OR56A1: variants seen among roughly 807,000 people sequenced by gnomAD.
The protein encoded by OR56A1 is olfactory receptor 56A1.
For synonymous variants in OR56A1, 174 were observed against 159.1 expected, an observed-to-expected ratio of 1.09 and a Z score of -0.70; for missense variants, 360 against 380.9, an observed-to-expected ratio of 0.94 and a Z score of 0.46.
chr11:6,026,600 A>G lies in OR56A1; in HGVS notation c.*148T>C, dbSNP rs1420589698. On this transcript the variant is annotated 3_prime_UTR_variant, in exon 2 of 2. Transcript: ENST00000641900. ...TGCCTACCTCCACCTGAACTAGGCA[A>G]GGAAAGTAAAGGAAGGAATCTGGTT... 6 of 585,572 alleles carry G rather than the reference A, an allele frequency of 1.0e-5. No homozygotes were observed. Among genetic ancestry groups the G allele is most frequent in the Non-Finnish European group, 1.8e-5 (6 of 334,506 alleles). 36.3% of individuals were successfully genotyped at this position (585,572 alleles called of 1,614,324 possible).
rs1848396599 is a variant in OR56A1 at position 6,021,555 on chromosome 11, GTACTGA to G, written c.*5187_*5192del. On this transcript the variant is annotated 3_prime_UTR_variant, in exon 2 of 2. Coordinates refer to ENST00000641900, the MANE Select transcript of OR56A1 (RefSeq NM_001388488.1). Reference sequence around the variant, plus strand: ...ATAATTAAATAAAAAATTATTTAAAGTACTGATACTAATATTTTATAAGTAGAAAGT... The same window carrying G: ...ATAATTAAATAAAAAATTATTTAAAGTACTAATATTTTATAAGTAGAAAGT... The G allele has an allele frequency of 1.3e-5, 2 of 152,068 alleles. No individual in the cohort carries two copies. The highest frequency in any genetic ancestry group is 2.1e-4 in the South Asian group (1 of 4,818). The allele number at this position is 152,068 out of a possible 1,614,324, so 9.4% of individuals were successfully genotyped here.
In OR56A1 at chr11:6,027,328, G is replaced by A; in HGVS notation, c.365C>T (p.Ala122Val). ...PMESCTFMVMAYDRYVAICHP... is the reference protein window; with the variant it reads ...PMESCTFMVMVYDRYVAICHP... ...GCAGATGGCCACATAACGGTCATAG[G>A]CCATGACCATAAACGTGCAGGACTC... Residue 122 changes from alanine to valine, a missense_variant, in exon 2 of 2, where the codon GCC (alanine) becomes GTC (valine). Transcript: ENST00000641900. 4 of 1,614,142 alleles carry A rather than the reference G, an allele frequency of 2.5e-6. No individual in the cohort carries two copies. The highest frequency in any genetic ancestry group is 3.4e-6 in the Non-Finnish European group (4 of 1,179,984).
chr11:6,032,560 G>A (rs1848522644), upstream of OR56A1, among the ~76,000 whole-genome samples: 1 of 152,118 alleles, frequency 6.6e-6, no homozygotes, highest in Non-Finnish European at 1.5e-5. Flanking sequence ...AAATTTTAAG[G>A]AGGAAGAATG....
At position 6,021,837 on chromosome 11, in the gene OR56A1, A is replaced by G. The variant is rs1848399902; in HGVS notation, c.*4911T>C. 1 of 152,146 alleles carries G rather than the reference A, an allele frequency of 6.6e-6. No homozygotes were observed. 9.4% of individuals were successfully genotyped at this position (152,146 alleles called of 1,614,324 possible). A position where few individuals can be genotyped will look rare whatever the true frequency, so the allele number is the denominator to read the frequency against. On this transcript the variant is annotated 3_prime_UTR_variant, in exon 2 of 2. Coordinates refer to ENST00000641900, the MANE Select transcript of OR56A1 (RefSeq NM_001388488.1). Reference sequence around the variant, plus strand: ...TCAAGAAACTTGTCCCCCTCTCAGTAAGTAAAAATATTGCAATATCTGCTC... The same window carrying G: ...TCAAGAAACTTGTCCCCCTCTCAGTGAGTAAAAATATTGCAATATCTGCTC...
rs1404155134 is a variant in OR56A1 at position 6,019,883 on chromosome 11, T to C, written c.*6865A>G. On this transcript the variant is annotated 3_prime_UTR_variant, in exon 2 of 2. Transcript: ENST00000641900. The stretch of plus-strand genomic sequence containing the variant: ...AATTCAAGTAAAAATGAGACCTTGA[T>C]CCCTCTCTTGGCTCTATCCACAGGC... The C allele has an allele frequency of 6.6e-6, 1 of 152,100 alleles. No individual in the cohort carries two copies. Among genetic ancestry groups the C allele is most frequent in the Non-Finnish European group, 1.5e-5 (1 of 67,980 alleles). The allele number at this position is 152,100 out of a possible 1,614,324, so 9.4% of individuals were successfully genotyped here.
upstream of OR56A1, among the ~76,000 whole-genome samples, chr11:6,032,847 G>T (rs764769185): frequency 6.6e-6 from 1 of 152,112 alleles, no homozygotes; most frequent in Non-Finnish European, 1.5e-5. Flanking sequence ...TGCTCCTAAT[G>T]TTGGTAAGAA....
chr11:6,026,980 ACTGCCGCCCCCT>A lies in OR56A1; in HGVS notation c.701_712del (p.Glu234_Ala237del), dbSNP rs754611982. On this transcript the variant is annotated inframe_deletion, in exon 2 of 2. Coordinates refer to ENST00000641900, the MANE Select transcript of OR56A1 (RefSeq NM_001388488.1). ...GGAGCCACATGTGCTCAGGGCCTTCACTGCCGCCCCCTCTGCTTTGAATCTAAGCACAGCTCT... is the reference window on the plus strand; with the variant it reads ...GGAGCCACATGTGCTCAGGGCCTTCACTGCTTTGAATCTAAGCACAGCTCT... 11 of 1,614,112 alleles carry A rather than the reference ACTGCCGCCCCCT, an allele frequency of 6.8e-6. No individual in the cohort carries two copies. In the East Asian group the frequency reaches 2.0e-4, roughly 29 times the overall value.
At position 6,021,447 on chromosome 11, in the gene OR56A1, T is replaced by C. The variant is rs1424147806; in HGVS notation, c.*5301A>G. The C allele has an allele frequency of 2.6e-5, 4 of 152,118 alleles. No individual in the cohort carries two copies. The East Asian group carries it at 7.7e-4, about 29-fold the overall frequency. The allele number at this position is 152,118 out of a possible 1,614,324, so 9.4% of individuals were successfully genotyped here. A position where few individuals can be genotyped will look rare whatever the true frequency, so the allele number is the denominator to read the frequency against. Reference sequence around the variant, plus strand: ...TGATAAATGTTTGAGATGATGGATATGCTAATTACCCTGATCTGCTCACTA... The same window carrying C: ...TGATAAATGTTTGAGATGATGGATACGCTAATTACCCTGATCTGCTCACTA... On this transcript the variant is annotated 3_prime_UTR_variant, in exon 2 of 2. Transcript: ENST00000641900.
In OR56A1 at chr11:6,021,444, A is replaced by G. The variant is rs2133596143; in HGVS notation, c.*5304T>C. 6.6e-6 allele frequency: 1 copy of G among 152,236 alleles called. No individual in the cohort carries two copies. The highest frequency in any genetic ancestry group is 1.5e-5 in the Non-Finnish European group (1 of 67,972). The allele number at this position is 152,236 out of a possible 1,614,324, so 9.4% of individuals were successfully genotyped here. A position where few individuals can be genotyped will look rare whatever the true frequency, so the allele number is the denominator to read the frequency against. On this transcript the variant is annotated 3_prime_UTR_variant, in exon 2 of 2. Transcript: ENST00000641900. ...TAATGATAAATGTTTGAGATGATGG[A>G]TATGCTAATTACCCTGATCTGCTCA...
intron 1 of OR56A1, 98 bp from the exon 2 acceptor site, chr11:6,027,824 C>T: frequency 1.3e-6 from 1 of 768,566 alleles, no homozygotes; most frequent in African/African-American, 1.7e-5. Context: ...AGGTAGTTCA[C>T]TTTTGCCAAG....
intron 1 of OR56A1, among the ~76,000 whole-genome samples, chr11:6,027,949 A>G (rs966321296): frequency 4.6e-5 from 7 of 150,718 alleles, no homozygotes; most frequent in African/African-American, 9.7e-5. Flanking sequence ...AAAAAAAAAA[A>G]GGGTAGTGAC....
upstream of OR56A1, among the ~76,000 whole-genome samples, chr11:6,032,255 T>A (rs1848519766): frequency 1.3e-5 from 2 of 152,132 alleles, no homozygotes; most frequent in African/African-American, 4.8e-5. Flanking sequence ...TGAAAGATAC[T>A]GTGGTATGTT....
At chr11:6,032,586 CCA>C (rs1020931948), upstream of OR56A1, among the ~76,000 whole-genome samples, 3 of 152,098 alleles carry the variant, frequency 2.0e-5, no homozygotes, top group Non-Finnish European at 4.4e-5. Context: ...GGAGAATTAA[CCA>C]CAGTTTCAGT....
At position 6,022,555 on chromosome 11, in the gene OR56A1, C is replaced by T. The variant is rs1335975136; in HGVS notation, c.*4193G>A. On this transcript the variant is annotated 3_prime_UTR_variant, in exon 2 of 2. Transcript: ENST00000641900. ...ATGAAAAACTTAGGAAACTACAAAGCTATCCAGTGAAAGATTAAAAATATA... is the reference window on the plus strand; with the variant it reads ...ATGAAAAACTTAGGAAACTACAAAGTTATCCAGTGAAAGATTAAAAATATA... The T allele has an allele frequency of 2.6e-5, 4 of 152,142 alleles. No homozygotes were observed. Among genetic ancestry groups the T allele is most frequent in the African/African-American group, 9.7e-5 (4 of 41,422 alleles). 9.4% of individuals were successfully genotyped at this position (152,142 alleles called of 1,614,324 possible).
Position 6,022,145 on chromosome 11 carries a change from TTTGCAA to T in OR56A1, c.*4597_*4602del, listed in dbSNP as rs1305089052. 6.6e-6 allele frequency: 1 copy of T among 152,100 alleles called. No individual in the cohort carries two copies. The highest frequency in any genetic ancestry group is 1.5e-5 in the Non-Finnish European group (1 of 67,982). 9.4% of individuals were successfully genotyped at this position (152,100 alleles called of 1,614,324 possible). A position where few individuals can be genotyped will look rare whatever the true frequency, so the allele number is the denominator to read the frequency against. The stretch of plus-strand genomic sequence containing the variant: ...AATGAAAATTTATGATCAAGGCTCT[TTTGCAA>T]GCAGCTGGATCTATGTGAGGAGTCT... On this transcript the variant is annotated 3_prime_UTR_variant, in exon 2 of 2. Transcript: ENST00000641900.
chr11:6,032,526 G>A (rs1370211251), upstream of OR56A1, among the ~76,000 whole-genome samples: 3 of 152,082 alleles, frequency 2.0e-5, no homozygotes, highest in African/African-American at 2.4e-5. Flanking sequence ...GGCATTACTG[G>A]CCCTGGTGTT....
At chr11:6,028,655 A>G (rs1848481403) in intron 1 of OR56A1, among the ~76,000 whole-genome samples, 1 of 152,174 alleles carries the variant, frequency 6.6e-6, no homozygotes, top group Admixed American at 6.5e-5. Flanking sequence ...GGATGCCAAC[A>G]TGTATAAGGG....
rs1466758041 is a variant in OR56A1 at position 6,024,872 on chromosome 11, C to G, written c.*1876G>C. On this transcript the variant is annotated 3_prime_UTR_variant, in exon 2 of 2. Transcript: ENST00000641900. ...TACTGAGTTGAACCTGTGGCTCTGG[C>G]TTGAGACAATGAGAGCCAAGCCTGA... 1 of 152,134 alleles carries G rather than the reference C, an allele frequency of 6.6e-6. No homozygotes were observed. The highest frequency in any genetic ancestry group is 1.5e-5 in the Non-Finnish European group (1 of 68,032). 9.4% of individuals were successfully genotyped at this position (152,134 alleles called of 1,614,324 possible).
Position 6,027,469 on chromosome 11 carries a change from A to T in OR56A1, c.224T>A (p.Val75Glu). 1 of 1,614,202 alleles carries T rather than the reference A, an allele frequency of 6.2e-7. No individual in the cohort carries two copies. Among genetic ancestry groups the T allele is most frequent in the Non-Finnish European group, 8.5e-7 (1 of 1,180,042 alleles). Residue 75 changes from valine (V) to glutamate (E), a missense_variant, in exon 2 of 2, where the codon GTG becomes GAG. Transcript: ENST00000641900. The part of the protein sequence containing the change: ...LLSLLSLLDI[V>E]LCLTVIPKVL... ...CTTGGGGATGACGGTGAGGCAGAGC[A>T]CGATGTCCAGCAGGGAGAGGAGGCT...
Sources: gnomAD v4.1 joint callset for allele counts (sites outside exome capture counted in the v4.1 genomes callset) on GRCh38, gnomAD v4.1.1 for gene constraint, MANE v1.5 for transcripts, NCBI Gene and HGNC (gene_info 2026-07-23, HGNC 2026-07-21) for gene names.